HUNK: variants seen among roughly 807,000 people sequenced by gnomAD.
HUNK encodes hormonally up-regulated neu tumor-associated kinase.
Under a neutral mutation model 61.0 loss-of-function variants are expected in HUNK, and 21 were observed. That is an observed-to-expected ratio of 0.34 (90% confidence interval 0.24 to 0.50). The LOEUF is 0.50. Among genes scored for constraint, HUNK ranks in the 20% least tolerant of loss-of-function variants. The probability of loss-of-function intolerance (pLI) is 0.98; values close to 1 mark genes in which losing one functional copy is unlikely to be tolerated. For missense variants in HUNK, 772 were observed against 945.7 expected, an observed-to-expected ratio of 0.82 and a Z score of 2.41; for synonymous variants, 371 against 386.1, an observed-to-expected ratio of 0.96 and a Z score of 0.46.
chr21:31,921,117 T>C (rs1296639935), intron 1 of HUNK, among the ~76,000 whole-genome samples: 1 of 122,512 alleles, frequency 8.2e-6, no homozygotes, highest in African/African-American at 3.3e-5. Flanking sequence ...ATTGTGCCAC[T>C]GCATTCCAGC....
chr21:31,909,912 G>A (rs2052534386), intron 1 of HUNK, among the ~76,000 whole-genome samples: 1 of 152,090 alleles, frequency 6.6e-6, no homozygotes, highest in South Asian at 2.1e-4. Flanking sequence ...ACAGTTTTCA[G>A]CCCTTTTATG....
At chr21:31,927,938 C>A (rs2052672226) in intron 2 of HUNK, among the ~76,000 whole-genome samples, 1 of 152,224 alleles carries the variant, frequency 6.6e-6, no homozygotes, top group Non-Finnish European at 1.5e-5. Context: ...GATCACCCTT[C>A]ATTAGAACTC....
At chr21:31,892,094 T>G (rs945811790) in intron 1 of HUNK, among the ~76,000 whole-genome samples, 5 of 150,700 alleles carry the variant, frequency 3.3e-5, no homozygotes, top group African/African-American at 9.8e-5. Flanking sequence ...CTTCAGCTTC[T>G]GTATCTGCAA....
chr21:31,951,164 T>C (rs1158786585), intron 4 of HUNK, among the ~76,000 whole-genome samples: 1 of 151,058 alleles, frequency 6.6e-6, no homozygotes, highest in Non-Finnish European at 1.5e-5. Context: ...AATTCACTTC[T>C]TTCCTTTACC....
In HUNK at chr21:32,000,303, T is replaced by C. The variant is rs2053237635; in HGVS notation, c.*1119T>C. 1 of 399,096 alleles carries C rather than the reference T, an allele frequency of 2.5e-6. No homozygotes were observed. Among genetic ancestry groups the C allele is most frequent in the Non-Finnish European group, 4.4e-6 (1 of 226,084 alleles). 24.7% of individuals were successfully genotyped at this position (399,096 alleles called of 1,614,324 possible). ...GAGCAGGCTTGCCTGGCAGAGAACC[T>C]GTTCAGATACAGGCCAGTTTCTTCT... On this transcript the variant is annotated 3_prime_UTR_variant, in exon 11 of 11. Coordinates refer to ENST00000270112, the MANE Select transcript of HUNK (RefSeq NM_014586.2).
At chr21:31,892,564 T>G (rs2052398242) in intron 1 of HUNK, among the ~76,000 whole-genome samples, 1 of 95,748 alleles carries the variant, frequency 1.0e-5, no homozygotes, top group Non-Finnish European at 1.9e-5. Flanking sequence ...AGCCAGACTC[T>G]CTCTGAAAAA....
intron 1 of HUNK, among the ~76,000 whole-genome samples, chr21:31,911,179 G>A (rs746915217): frequency 2.1e-4 from 32 of 152,134 alleles, no homozygotes; most frequent in Admixed American, 3.3e-4. Context: ...GCCTGTGTGC[G>A]GGGGCTGTTC....
At chr21:31,907,426 T>C (rs959687740) in intron 1 of HUNK, among the ~76,000 whole-genome samples, 7 of 152,212 alleles carry the variant, frequency 4.6e-5, no homozygotes, top group African/African-American at 1.7e-4. Context: ...ACATGACTTA[T>C]GTGGCTTACA....
chr21:31,989,156 C>A (rs759997659), intron 8 of HUNK, among the ~76,000 whole-genome samples: 2 of 152,148 alleles, frequency 1.3e-5, no homozygotes, highest in Non-Finnish European at 2.9e-5. Context: ...ACCAGTCATA[C>A]TGCATTAGGG....
intron 7 of HUNK, among the ~76,000 whole-genome samples, chr21:31,980,522 G>A (rs781420045): frequency 8.7e-5 from 13 of 149,416 alleles, no homozygotes; most frequent in Admixed American, 4.7e-4. Context: ...GATTACAGAC[G>A]CCTGCCTGCC....
At chr21:31,993,851 CCTT>C (rs2053186472) in intron 9 of HUNK, among the ~76,000 whole-genome samples, 1 of 152,130 alleles carries the variant, frequency 6.6e-6, no homozygotes, top group African/African-American at 2.4e-5. Flanking sequence ...GAGCACATAA[CCTT>C]CTCTGGAACA....
At chr21:31,918,666 T>A (rs924422599) in intron 1 of HUNK, among the ~76,000 whole-genome samples, 1 of 152,204 alleles carries the variant, frequency 6.6e-6, no homozygotes, top group Non-Finnish European at 1.5e-5. Context: ...CCGTCTTCAC[T>A]TTGCTTTCTT....
chr21:31,893,622 G>A (rs2052406145), intron 1 of HUNK, among the ~76,000 whole-genome samples: 1 of 152,132 alleles, frequency 6.6e-6, no homozygotes, highest in Non-Finnish European at 1.5e-5. Context: ...TCACCTCCTT[G>A]TCACCTTTTT....
intron 2 of HUNK, among the ~76,000 whole-genome samples, chr21:31,933,784 CAAA>C (rs373565140): frequency 1.8e-5 from 2 of 111,228 alleles, no homozygotes. Flanking sequence ...GACTCTGTCT[CAAA>C]AAAAAAAAAA....
intron 1 of HUNK, among the ~76,000 whole-genome samples, chr21:31,899,450 G>A (rs1401163511): frequency 6.6e-6 from 1 of 152,090 alleles, no homozygotes; most frequent in Non-Finnish European, 1.5e-5. Context: ...GTGTGTCTGT[G>A]TTTCCTCTTG....
intron 7 of HUNK, among the ~76,000 whole-genome samples, chr21:31,983,206 C>T (rs77503989): frequency 0.027 from 4,123 of 152,240 alleles, 176 homozygotes; most frequent in African/African-American, 0.092. Context: ...TTTCTCTGTT[C>T]GTGTTTTTGA....
chr21:31,879,209 T>C (rs976526714), intron 1 of HUNK, among the ~76,000 whole-genome samples: 1 of 152,214 alleles, frequency 6.6e-6, no homozygotes, highest in Non-Finnish European at 1.5e-5. Context: ...CCTGTATTTT[T>C]GAAGTGCTAG....
intron 3 of HUNK, among the ~76,000 whole-genome samples, chr21:31,943,609 T>A (rs1456932561): frequency 3.9e-5 from 6 of 152,244 alleles, no homozygotes; most frequent in Non-Finnish European, 7.3e-5. Context: ...TTGCTTAACA[T>A]GCAGATTCTC....
At chr21:31,892,207 A>AGTGT (rs1350819216) in intron 1 of HUNK, among the ~76,000 whole-genome samples, 8 of 131,934 alleles carry the variant, frequency 6.1e-5, no homozygotes, top group South Asian at 4.7e-4. Context: ...AGAGAGAGAG[A>AGTGT]GAGTGTGTGT....
Sources: allele counts gnomAD v4.1 joint callset (sites outside exome capture counted in the v4.1 genomes callset), GRCh38; gene constraint gnomAD v4.1.1; transcripts MANE v1.5; gene names NCBI Gene and HGNC (gene_info 2026-07-23, HGNC 2026-07-21).